NDUFAF2: variants seen among roughly 807,000 people sequenced by gnomAD.
The protein encoded by NDUFAF2 is NADH dehydrogenase [ubiquinone] 1 alpha subcomplex assembly factor 2.
In NDUFAF2, 13 loss-of-function variants were observed where a neutral mutation model predicts 22.8. That is an observed-to-expected ratio of 0.57 (90% CI 0.37 to 0.91). The LOEUF (loss-of-function observed/expected upper bound fraction) is 0.91. Ranked by LOEUF, NDUFAF2 falls within the 40% of genes least tolerant of loss-of-function variation. The probability of loss-of-function intolerance (pLI) is 0.01; values close to 1 mark genes in which losing one functional copy is unlikely to be tolerated. For synonymous variants in NDUFAF2, 53 were observed against 64.2 expected (o/e 0.83, Z 0.84); for missense variants, 162 against 195.2 (o/e 0.83, Z 1.01).
chr5:61,001,825 C>A (rs747700524), intron 1 of NDUFAF2, among the ~76,000 whole-genome samples: 1 of 152,116 alleles, frequency 6.6e-6, no homozygotes, highest in Non-Finnish European at 1.5e-5. Flanking sequence ...CCTTATATAA[C>A]ACAGCAATGC....
chr5:61,031,500 GCTGCATAGTATTCCATGGTATA>G (rs71606657), intron 1 of NDUFAF2, among the ~76,000 whole-genome samples: 18,638 of 147,974 alleles, frequency 0.13, 1,705 homozygotes, highest in South Asian at 0.23. Flanking sequence ...CTTTTTTATG[GCTGCATAGTATTCCATGGTATA>G]CTGCATAGTA....
At chr5:61,122,609 C>A (rs1444527678) in intron 3 of NDUFAF2, among the ~76,000 whole-genome samples, 1 of 152,016 alleles carries the variant, frequency 6.6e-6, no homozygotes, top group Non-Finnish European at 1.5e-5. Flanking sequence ...TTTTTGTCTC[C>A]CCATTTGTAT....
chr5:61,014,275 G>A (rs1751479199), intron 1 of NDUFAF2, among the ~76,000 whole-genome samples: 1 of 152,198 alleles, frequency 6.6e-6, no homozygotes, highest in Non-Finnish European at 1.5e-5. Context: ...GCAGAGTTTG[G>A]AGAGCTTTCA....
In NDUFAF2 at chr5:61,079,541, C is replaced by T. The variant is rs116400739; in HGVS notation, c.217+6327C>T. On this transcript the variant is annotated intron_variant, in intron 2 of 3. Coordinates refer to ENST00000296597, the MANE Select transcript of NDUFAF2 (RefSeq NM_174889.5). ...AAGTATCTCGAATAAACTCACATTG[C>T]GACGCAGAATCTCTGGACTTCCAGA... Among the ~76,000 whole-genome samples, 500 of 152,288 alleles carry T rather than the reference C, an allele frequency of 3.3e-3. 6 individuals are homozygous for T. The highest frequency in any genetic ancestry group is 0.012 in the African/African-American group (488 of 41,544).
intron 3 of NDUFAF2, among the ~76,000 whole-genome samples, chr5:61,137,217 G>T (rs531075729): frequency 6.6e-6 from 1 of 152,028 alleles, no homozygotes; most frequent in African/African-American, 2.4e-5. Flanking sequence ...CCTTGTCTTG[G>T]CTTCAGCCAC....
chr5:61,072,904 C>T (rs1012503644), intron 1 of NDUFAF2, among the ~76,000 whole-genome samples: 2 of 152,008 alleles, frequency 1.3e-5, no homozygotes, highest in Non-Finnish European at 2.9e-5. Context: ...GGCTGGCCTA[C>T]CTTTAATTTT....
At chr5:61,035,309 G>A (rs982779515) in intron 1 of NDUFAF2, among the ~76,000 whole-genome samples, 4 of 151,202 alleles carry the variant, frequency 2.6e-5, no homozygotes, top group East Asian at 1.9e-4. Flanking sequence ...CAAGTGATCC[G>A]TCTGCCTCGG....
chr5:61,151,577 G>A (rs1032059623), intron 3 of NDUFAF2, among the ~76,000 whole-genome samples: 12 of 152,124 alleles, frequency 7.9e-5, no homozygotes, highest in Non-Finnish European at 1.2e-4. Context: ...TCAGGAGTTC[G>A]AGACCAGCCT....
chr5:61,014,042 T>A (rs969393167), intron 1 of NDUFAF2, among the ~76,000 whole-genome samples: 8 of 152,188 alleles, frequency 5.3e-5, no homozygotes, highest in African/African-American at 1.9e-4. Flanking sequence ...AGAGTGTTTC[T>A]TGTATGCTCA....
chr5:61,048,542 G>A (rs1341893444), intron 1 of NDUFAF2, among the ~76,000 whole-genome samples: 1 of 152,086 alleles, frequency 6.6e-6, no homozygotes, highest in Non-Finnish European at 1.5e-5. Flanking sequence ...GCCTAAGGTT[G>A]GGGATAATGG....
intron 1 of NDUFAF2, among the ~76,000 whole-genome samples, chr5:61,007,519 G>A (rs1312363455): frequency 6.6e-6 from 1 of 152,150 alleles, no homozygotes; most frequent in African/African-American, 2.4e-5. Context: ...CTCAAAAGAA[G>A]ACCTTTATGC....
intron 3 of NDUFAF2, chr5:61,115,271 G>T (rs1460605875): frequency 6.6e-6 from 1 of 152,280 alleles, no homozygotes; most frequent in African/African-American, 2.4e-5. Flanking sequence ...ATCAGTTTGT[G>T]GTGGATGCTG....
intron 1 of NDUFAF2, among the ~76,000 whole-genome samples, chr5:61,003,684 T>C (rs1346624276): frequency 6.8e-6 from 1 of 147,752 alleles, no homozygotes; most frequent in African/African-American, 2.5e-5. Context: ...AGGATCTTGC[T>C]CTGTCACCCA....
intron 2 of NDUFAF2, among the ~76,000 whole-genome samples, chr5:61,082,717 C>T (rs1224144630): frequency 6.6e-6 from 1 of 152,172 alleles, no homozygotes; most frequent in Non-Finnish European, 1.5e-5. Flanking sequence ...TTTCTTATGG[C>T]TGCATACTAT....
intron 1 of NDUFAF2, among the ~76,000 whole-genome samples, chr5:61,056,923 T>A (rs1195835478): frequency 3.2e-3 from 68 of 21,190 alleles, no homozygotes; most frequent in African/African-American, 5.3e-3. Flanking sequence ...AAAAAAAATA[T>A]ATATATATAT....
At chr5:60,955,589 T>C (rs528582253) in intron 1 of NDUFAF2, among the ~76,000 whole-genome samples, 7 of 152,310 alleles carry the variant, frequency 4.6e-5, no homozygotes, top group African/African-American at 1.4e-4. Context: ...GATTGTTGTT[T>C]CTATTTCTGG....
At chr5:60,977,822 A>G (rs1352242592) in intron 1 of NDUFAF2, among the ~76,000 whole-genome samples, 2 of 148,480 alleles carry the variant, frequency 1.3e-5, no homozygotes, top group African/African-American at 2.5e-5. Flanking sequence ...GGGCTACAGA[A>G]CAAGACTCTG....
At chr5:61,076,939 A>C (rs968024237) in intron 2 of NDUFAF2, among the ~76,000 whole-genome samples, 3 of 152,226 alleles carry the variant, frequency 2.0e-5, no homozygotes, top group African/African-American at 7.2e-5. Flanking sequence ...GAAAGCAGAC[A>C]GTAATTACTC....
At chr5:61,005,800 C>A (rs955816575) in intron 1 of NDUFAF2, among the ~76,000 whole-genome samples, 4 of 151,064 alleles carry the variant, frequency 2.6e-5, no homozygotes, top group Admixed American at 1.3e-4. Context: ...TTGATTTTTT[C>A]TTGTAAATTT....
Sources: allele counts gnomAD v4.1 joint callset (sites outside exome capture counted in the v4.1 genomes callset), GRCh38; gene constraint gnomAD v4.1.1; transcripts MANE v1.5; gene names NCBI Gene and HGNC (gene_info 2026-07-23, HGNC 2026-07-21).